Variants in ROBO1 observed in about 807,000 individuals in gnomAD.
The protein encoded by ROBO1 is roundabout homolog 1.
A neutral mutation model predicts 195.9 loss-of-function variants in ROBO1; 149 were observed. The ratio of observed to expected loss-of-function variants is 0.76; its 90% CI spans 0.67 to 0.87. The LOEUF is 0.87. Among genes scored for constraint, ROBO1 ranks in the 40% least tolerant of loss-of-function variants. The pLI is 0.00. For missense variants in ROBO1, 1,933 were observed against 2,068.3 expected (o/e 0.93, Z 1.27); for synonymous variants, 816 against 733.2 (o/e 1.11, Z -1.82).
chr3:79,574,963 A>G (rs1278514241), intron 2 of ROBO1, among the ~76,000 whole-genome samples: 4 of 150,630 alleles, frequency 2.7e-5, no homozygotes, highest in African/African-American at 4.9e-5. Flanking sequence ...CAACAAACCA[A>G]ACTTTCTCTT....
intron 2 of ROBO1, among the ~76,000 whole-genome samples, chr3:79,199,901 T>C (rs2081730333): frequency 6.6e-6 from 1 of 151,828 alleles, no homozygotes; most frequent in Non-Finnish European, 1.5e-5. Context: ...AATAATGCAA[T>C]ATTTTCTACA....
chr3:78,821,212 C>T (rs1300197735), intron 4 of ROBO1, among the ~76,000 whole-genome samples: 1 of 141,728 alleles, frequency 7.1e-6, no homozygotes, highest in Admixed American at 7.4e-5. Flanking sequence ...GTCACCCAGG[C>T]TGGAGTACAG....
intron 7 of ROBO1, among the ~76,000 whole-genome samples, chr3:78,715,650 G>C (rs1372525741): frequency 6.6e-6 from 1 of 152,118 alleles, no homozygotes; most frequent in African/African-American, 2.4e-5. Flanking sequence ...TCCTGCCTCA[G>C]CCTCCCGAGC....
intron 4 of ROBO1, among the ~76,000 whole-genome samples, chr3:78,805,810 A>C (rs2108599085): frequency 6.6e-6 from 1 of 152,286 alleles, no homozygotes; most frequent in Non-Finnish European, 1.5e-5. Flanking sequence ...ACTAAAGAAT[A>C]AAGTTCATAA....
intron 2 of ROBO1, among the ~76,000 whole-genome samples, chr3:79,530,489 C>A (rs897896928): frequency 6.6e-5 from 10 of 152,286 alleles, no homozygotes; most frequent in African/African-American, 1.7e-4. Context: ...GCTATCTATC[C>A]TGTAATACAG....
At chr3:79,642,260 T>C (rs1024512867) in intron 1 of ROBO1, among the ~76,000 whole-genome samples, 2 of 152,052 alleles carry the variant, frequency 1.3e-5, no homozygotes, top group African/African-American at 4.8e-5. Flanking sequence ...TGAACAAAGA[T>C]TGCCCAGAAG....
chr3:78,761,621 A>G (rs9875605), intron 4 of ROBO1, among the ~76,000 whole-genome samples: 53,150 of 152,074 alleles, frequency 0.35, 10,463 homozygotes, highest in South Asian at 0.5. Context: ...ACTTACATGT[A>G]CTACAAGTTT....
intron 3 of ROBO1, among the ~76,000 whole-genome samples, chr3:78,986,396 TC>T (rs1231047966): frequency 2.0e-5 from 3 of 152,118 alleles, no homozygotes; most frequent in African/African-American, 7.2e-5. Flanking sequence ...TTTTTTTTTT[TC>T]TTTTTTTTTC....
At position 79,356,962 on chromosome 3, in the gene ROBO1, A is replaced by G. The variant is rs573900303; in HGVS notation, c.89-231423T>C. Among the ~76,000 whole-genome samples, 4 of 152,282 alleles carry G rather than the reference A, an allele frequency of 2.6e-5. No homozygotes were observed. The South Asian group carries it at 8.3e-4, about 32-fold the overall frequency. On this transcript the variant is annotated intron_variant, in intron 2 of 30. Transcript: ENST00000464233. ...CTCTGTTCCTGGGAACTTAAATTCC[A>G]GTCAAAGGGAACTGATTTCTTTTGT...
At chr3:79,671,752 G>T (rs1946638706) in intron 1 of ROBO1, among the ~76,000 whole-genome samples, 2 of 151,782 alleles carry the variant, frequency 1.3e-5, no homozygotes, top group South Asian at 4.1e-4. Flanking sequence ...AATCATCCGT[G>T]TATTCTATAT....
chr3:78,607,179 G>A, intron 28 of ROBO1, 138 bp from the exon 29 acceptor site: 2 of 803,580 alleles, frequency 2.5e-6, no homozygotes, highest in Non-Finnish European at 3.8e-6. Context: ...AGGTAACCAA[G>A]GAAAAATACC....
At chr3:79,152,323 T>C (rs1485765689) in intron 2 of ROBO1, among the ~76,000 whole-genome samples, 2 of 151,730 alleles carry the variant, frequency 1.3e-5, no homozygotes, top group Non-Finnish European at 2.9e-5. Flanking sequence ...GTTTCCTCCA[T>C]ATCAGGAAAT....
chr3:79,581,342 C>T (rs1323285871), intron 2 of ROBO1, among the ~76,000 whole-genome samples: 5 of 151,958 alleles, frequency 3.3e-5, no homozygotes, highest in Non-Finnish European at 7.4e-5. Flanking sequence ...TTAGGTGGAC[C>T]GTGTGGCACG....
At chr3:79,219,163 A>T (rs1440539684) in intron 2 of ROBO1, among the ~76,000 whole-genome samples, 1 of 151,974 alleles carries the variant, frequency 6.6e-6, no homozygotes, top group Non-Finnish European at 1.5e-5. Flanking sequence ...ATGCCTAGAA[A>T]TTTCAGCATT....
intron 2 of ROBO1, among the ~76,000 whole-genome samples, chr3:79,384,729 G>A (rs1374431641): frequency 6.6e-6 from 1 of 152,078 alleles, no homozygotes; most frequent in South Asian, 2.1e-4. Flanking sequence ...GTTATAGGAA[G>A]TTAAACGTAT....
chr3:79,035,442 G>T lies in ROBO1; in HGVS notation c.172+90014C>A, dbSNP rs75527247. Among the ~76,000 whole-genome samples, 269 of 152,280 alleles carry T rather than the reference G, an allele frequency of 1.8e-3. 5 individuals carry two copies. In the East Asian group the frequency reaches 0.024, roughly 14 times the overall value. On this transcript the variant is annotated intron_variant, in intron 3 of 30. Transcript: ENST00000464233. ...TATCCATGAAAGAATAATGAGAACT[G>T]GGTGAGGTGGCTCATGCCTGCAATC... is the stretch of plus-strand genomic sequence containing the variant.
At chr3:78,670,866 T>C (rs1453804296) in intron 10 of ROBO1, among the ~76,000 whole-genome samples, 1 of 152,210 alleles carries the variant, frequency 6.6e-6, no homozygotes, top group Non-Finnish European at 1.5e-5. Context: ...TTTTATCTTG[T>C]AATTCTTTCT....
chr3:79,715,127 A>G (rs143095578), intron 1 of ROBO1, among the ~76,000 whole-genome samples: 45 of 152,210 alleles, frequency 3.0e-4, no homozygotes, highest in Non-Finnish European at 4.9e-4. Context: ...TGGAGATGGA[A>G]TGTACTCCTG....
At chr3:79,243,141 T>C (rs1413144821) in intron 2 of ROBO1, among the ~76,000 whole-genome samples, 1 of 151,980 alleles carries the variant, frequency 6.6e-6, no homozygotes, top group Admixed American at 6.6e-5. Context: ...GCTTCATCCA[T>C]GTCCCTACAA....
Sources: gnomAD v4.1 joint callset for allele counts (sites outside exome capture counted in the v4.1 genomes callset) on GRCh38, gnomAD v4.1.1 for gene constraint, MANE v1.5 for transcripts, NCBI Gene and HGNC (gene_info 2026-07-23, HGNC 2026-07-21) for gene names.